The following ANKS1B variants were observed in gnomAD, a reference collection of about 807,000 sequenced individuals.
ANKS1B encodes ankyrin repeat and sterile alpha motif domain containing 1B.
Under a neutral mutation model 148.3 loss-of-function variants are expected in ANKS1B, and 36 were observed. The observed-to-expected ratio is 0.24, with a 90% confidence interval of 0.19 to 0.32. The LOEUF (loss-of-function observed/expected upper bound fraction) is 0.32. Ranked by LOEUF, ANKS1B falls within the 10% of genes least tolerant of loss-of-function variation. The pLI is 1.00. For synonymous variants in ANKS1B, 542 were observed against 560.8 expected (o/e 0.97, Z 0.47); for missense variants, 1,157 against 1,542.6 (o/e 0.75, Z 4.19).
At chr12:99,294,982 T>A (rs1026090423) in intron 12 of ANKS1B, among the ~76,000 whole-genome samples, 1 of 152,198 alleles carries the variant, frequency 6.6e-6, no homozygotes, top group Admixed American at 6.5e-5. Context: ...AAAGAAATAA[T>A]AAATGCTTGA....
intron 8 of ANKS1B, among the ~76,000 whole-genome samples, chr12:99,745,091 T>A (rs996811252): frequency 6.6e-6 from 1 of 151,382 alleles, no homozygotes. Context: ...GGGATCCTGA[T>A]GAAAAGACTC....
chr12:99,477,415 G>A (rs757547261), intron 10 of ANKS1B, among the ~76,000 whole-genome samples: 3 of 152,104 alleles, frequency 2.0e-5, no homozygotes, highest in Admixed American at 1.3e-4. Flanking sequence ...ACAACTGCAA[G>A]CCCACATCCT....
intron 2 of ANKS1B, among the ~76,000 whole-genome samples, chr12:99,823,379 C>T (rs759573372): frequency 6.6e-6 from 1 of 152,106 alleles, no homozygotes; most frequent in African/African-American, 2.4e-5. Flanking sequence ...GATCTCTGCT[C>T]GCTGCAACCT....
intron 17 of ANKS1B, among the ~76,000 whole-genome samples, chr12:98,985,591 C>G (rs2099922832): frequency 6.6e-6 from 1 of 151,532 alleles, no homozygotes; most frequent in African/African-American, 2.4e-5. Context: ...TAACACCCTA[C>G]TTCAAATAAT....
At chr12:99,063,776 A>G (rs2043196697) in intron 16 of ANKS1B, among the ~76,000 whole-genome samples, 1 of 152,152 alleles carries the variant, frequency 6.6e-6, no homozygotes, top group Non-Finnish European at 1.5e-5. Flanking sequence ...CCATATAATT[A>G]TATTCCTTCT....
chr12:99,561,126 G>T (rs1171624966), intron 9 of ANKS1B, among the ~76,000 whole-genome samples: 1 of 152,142 alleles, frequency 6.6e-6, no homozygotes, highest in African/African-American at 2.4e-5. Flanking sequence ...GATTACAGGT[G>T]TAAGCCAGTG....
chr12:99,301,287 A>G (rs916335414), intron 12 of ANKS1B, among the ~76,000 whole-genome samples: 1 of 152,214 alleles, frequency 6.6e-6, no homozygotes, highest in African/African-American at 2.4e-5. Context: ...CCACATAGAC[A>G]TACACAGAAA....
chr12:99,614,785 T>C (rs2153354856), intron 9 of ANKS1B, among the ~76,000 whole-genome samples: 1 of 152,202 alleles, frequency 6.6e-6, no homozygotes, highest in Middle Eastern at 3.4e-3. Flanking sequence ...TTTCTCATTA[T>C]TTCATTATTC....
intron 10 of ANKS1B, among the ~76,000 whole-genome samples, chr12:99,498,207 T>C (rs1044609872): frequency 6.6e-5 from 10 of 152,202 alleles, no homozygotes; most frequent in Admixed American, 5.2e-4. Context: ...CTCCAATCTA[T>C]ACTCTATACT....
chr12:99,466,666 T>C (rs927033978), intron 10 of ANKS1B, among the ~76,000 whole-genome samples: 25 of 151,592 alleles, frequency 1.6e-4, no homozygotes, highest in African/African-American at 4.6e-4. Context: ...AACACCTCTA[T>C]GCAAATAAAC....
intron 15 of ANKS1B, among the ~76,000 whole-genome samples, chr12:99,145,727 T>C (rs1600995035): frequency 6.6e-6 from 1 of 151,986 alleles, no homozygotes; most frequent in Non-Finnish European, 1.5e-5. Context: ...TAGCAGTGGC[T>C]CAAGAAACAA....
chr12:99,337,777 T>G (rs767992720), intron 12 of ANKS1B, among the ~76,000 whole-genome samples: 1 of 152,176 alleles, frequency 6.6e-6, no homozygotes, highest in East Asian at 1.9e-4. Flanking sequence ...CCAGCCTTGG[T>G]GGACCTGAGA....
chr12:98,736,853 C>T (rs751422684), intron 9 of ANKS1B, among the ~76,000 whole-genome samples: 6 of 152,226 alleles, frequency 3.9e-5, no homozygotes, highest in Non-Finnish European at 8.8e-5. Context: ...CATTCACCCA[C>T]CTATCTATCC....
Position 98,782,692 on chromosome 12 carries a change from C to G in ANKS1B, c.3343-555G>C, listed in dbSNP as rs192689688. Among the ~76,000 whole-genome samples the G allele has an allele frequency of 3.2e-4, 48 of 152,222 alleles. No homozygotes were observed. The East Asian group carries it at 6.8e-3, about 21-fold the overall frequency. On this transcript the variant is annotated intron_variant, in intron 22 of 26. Coordinates refer to ENST00000683438, the MANE Select transcript of ANKS1B (RefSeq NM_001352186.2). ...AACATCTTTTTGAGAGTTACTACGC[C>G]TGTTTCAAAAACAATGGCTTACTAA...
At chr12:99,711,093 A>G (rs1007171431) in intron 8 of ANKS1B, among the ~76,000 whole-genome samples, 3 of 152,142 alleles carry the variant, frequency 2.0e-5, no homozygotes, top group Non-Finnish European at 4.4e-5. Context: ...TTGGATTTGT[A>G]TCTATAATAA....
At chr12:99,960,885 T>C (rs927321784) in intron 1 of ANKS1B, among the ~76,000 whole-genome samples, 1 of 151,854 alleles carries the variant, frequency 6.6e-6, no homozygotes, top group South Asian at 2.1e-4. Context: ...AACACAATTG[T>C]CACTTTGGAT....
At chr12:99,732,010 A>C (rs977254109) in intron 8 of ANKS1B, among the ~76,000 whole-genome samples, 7 of 152,224 alleles carry the variant, frequency 4.6e-5, no homozygotes, top group African/African-American at 1.7e-4. Flanking sequence ...GTTTGAACAG[A>C]TACTTCATCA....
intron 9 of ANKS1B, among the ~76,000 whole-genome samples, chr12:99,565,612 G>A (rs140385969): frequency 1.3e-3 from 204 of 152,248 alleles, no homozygotes; most frequent in East Asian, 1.2e-3. Flanking sequence ...ATCCTTCTTG[G>A]TTCTGCCCTC....
chr12:99,485,076 T>C (rs1489541531), intron 10 of ANKS1B, among the ~76,000 whole-genome samples: 1 of 151,892 alleles, frequency 6.6e-6, no homozygotes, highest in Non-Finnish European at 1.5e-5. Context: ...AATTTTTACT[T>C]AGTTTTTTTC....
Sources: gnomAD v4.1 joint callset for allele counts (sites outside exome capture counted in the v4.1 genomes callset) on GRCh38, gnomAD v4.1.1 for gene constraint, MANE v1.5 for transcripts, NCBI Gene and HGNC (gene_info 2026-07-23, HGNC 2026-07-21) for gene names.